The following CAMSAP2 variants were observed in gnomAD, a reference collection of about 807,000 sequenced individuals.
CAMSAP2 encodes calmodulin regulated spectrin associated protein family member 2.
In CAMSAP2, 26 loss-of-function variants were observed where a neutral mutation model predicts 146.1. The observed-to-expected ratio is 0.18, with a 90% CI of 0.13 to 0.25. The LOEUF is 0.25. CAMSAP2 is among the 10% of genes least tolerant of loss of function. The probability of loss-of-function intolerance (pLI) is 1.00; values close to 1 mark genes in which losing one functional copy is unlikely to be tolerated. For missense variants in CAMSAP2, 1,381 were observed against 1,759.3 expected (o/e 0.78, Z 3.85); for synonymous variants, 499 against 596.6 (o/e 0.84, Z 2.38).
At chr1:200,773,887 AAAAATAAAATAAAATAAAAT>A (rs201163114) in intron 2 of CAMSAP2, among the ~76,000 whole-genome samples, 13,754 of 134,268 alleles carry the variant, frequency 0.1, 1,159 homozygotes, top group African/African-American at 0.23. Flanking sequence ...CTCTGTCTCA[AAAAATAAAATAAAATAAAAT>A]AAAATAAAAT....
chr1:200,783,779 T>C (rs568636629), intron 2 of CAMSAP2, among the ~76,000 whole-genome samples: 18 of 152,332 alleles, frequency 1.2e-4, no homozygotes, highest in Admixed American at 7.2e-4. Context: ...ATGACCACCA[T>C]GCCCAGCCTG....
intron 2 of CAMSAP2, among the ~76,000 whole-genome samples, chr1:200,764,673 G>A (rs1363160068): frequency 6.6e-6 from 1 of 152,156 alleles, no homozygotes; most frequent in East Asian, 1.9e-4. Context: ...CCTGCATTTA[G>A]CCTTTAAGCA....
At chr1:200,740,318 T>C (rs1664126060) in intron 1 of CAMSAP2, among the ~76,000 whole-genome samples, 1 of 152,136 alleles carries the variant, frequency 6.6e-6, no homozygotes, top group Non-Finnish European at 1.5e-5. Flanking sequence ...ATAATTGTGA[T>C]TACACCACCA....
At chr1:200,828,570 A>G in intron 4 of CAMSAP2, 1 of 1,550,096 alleles carries the variant, frequency 6.5e-7, no homozygotes, top group Non-Finnish European at 8.7e-7. Flanking sequence ...GCTTCCTCTG[A>G]AGTCTCCTTC....
intron 2 of CAMSAP2, among the ~76,000 whole-genome samples, chr1:200,776,723 TA>T (rs1201579735): frequency 6.6e-6 from 1 of 151,658 alleles, no homozygotes; most frequent in Non-Finnish European, 1.5e-5. Flanking sequence ...GACTCCGTCT[TA>T]AAAAAACAAA....
chr1:200,842,325 C>T (rs1667345253), intron 7 of CAMSAP2, among the ~76,000 whole-genome samples: 1 of 152,074 alleles, frequency 6.6e-6, no homozygotes, highest in Admixed American at 6.5e-5. Context: ...TTTAACTGTC[C>T]ATTTCTTTTC....
chr1:200,854,102 C>T (rs1667690593), intron 13 of CAMSAP2, among the ~76,000 whole-genome samples: 1 of 152,102 alleles, frequency 6.6e-6, no homozygotes, highest in South Asian at 2.1e-4. Flanking sequence ...ACCTCAGCCT[C>T]CTGGGTAGTT....
intron 2 of CAMSAP2, among the ~76,000 whole-genome samples, chr1:200,779,285 A>T (rs1261337598): frequency 6.6e-6 from 1 of 152,212 alleles, no homozygotes; most frequent in African/African-American, 2.4e-5. Context: ...ACACCATCAG[A>T]GTTCGATTTT....
chr1:200,831,979 G>A, intron 4 of CAMSAP2: 1 of 435,042 alleles, frequency 2.3e-6, no homozygotes, highest in Non-Finnish European at 4.1e-6. Flanking sequence ...TAAATTAGCA[G>A]TATGTTATAT....
intron 6 of CAMSAP2, among the ~76,000 whole-genome samples, chr1:200,833,113 T>C (rs1318272320): frequency 6.6e-6 from 1 of 152,088 alleles, no homozygotes; most frequent in Non-Finnish European, 1.5e-5. Flanking sequence ...TAGAACAAGA[T>C]ATATAAATGA....
intron 2 of CAMSAP2, among the ~76,000 whole-genome samples, chr1:200,803,016 C>T (rs1558183911): frequency 6.6e-6 from 1 of 152,178 alleles, no homozygotes; most frequent in Non-Finnish European, 1.5e-5. Context: ...AGCCCTCCTG[C>T]TTTTTCTTCC....
rs1228633781 is a variant in CAMSAP2, at chr1:200,857,971, C to G, written c.4349C>G (p.Ala1450Gly). 2 of 1,613,638 alleles carry G rather than the reference C, an allele frequency of 1.2e-6. No individual in the cohort carries two copies. The highest frequency in any genetic ancestry group is 2.7e-5 in the African/African-American group (2 of 74,898). ...CACATACCCGCTAAAACTTTATCTGCCAGTGTTGATGCAATTACCATTCAT... is the reference window on the plus strand; with the variant it reads ...CACATACCCGCTAAAACTTTATCTGGCAGTGTTGATGCAATTACCATTCAT... Reference protein sequence around the residue: ...FSHIPAKTLSASVDAITIHSH... With the variant: ...FSHIPAKTLSGSVDAITIHSH... The change falls in exon 17 of 17, where the codon GCC (alanine) becomes GGC (glycine). Residue 1450 changes from alanine to glycine, a missense_variant. Physicochemically the swap from Ala to Gly is moderately conservative, Grantham distance 60 (BLOSUM62 0). Around this residue, in one of 4 missense-constraint regions of CAMSAP2, gnomAD observed 90 missense variants for 174.4 expected, o/e 0.52. Transcript: ENST00000358823. This position sits in a 1 kb window ranked among gnomAD's most constrained non-coding sequence, Gnocchi z 4.7.
Position 200,832,865 on chromosome 1 carries a change from T to G in CAMSAP2, c.927+20T>G. ...ATAAAGGTAAATTAAATTATTCTTT[T>G]TTTCCCTTTGCTTTGTTAAAATATG... On this transcript the variant is annotated intron_variant, in intron 6 of 16. Coordinates refer to ENST00000358823, the MANE Select transcript of CAMSAP2 (RefSeq NM_203459.4). This position sits in a 1 kb window ranked among gnomAD's most constrained non-coding sequence, Gnocchi z 4.2. 6.5e-7 allele frequency: 1 copy of G among 1,546,296 alleles called. No individual in the cohort carries two copies. The highest frequency in any genetic ancestry group is 8.7e-7 in the Non-Finnish European group (1 of 1,148,906).
chr1:200,830,299 C>CTGTG (rs3081676), intron 4 of CAMSAP2, among the ~76,000 whole-genome samples: 85 of 150,608 alleles, frequency 5.6e-4, no homozygotes, highest in South Asian at 1.7e-3. Context: ...TCATATAAAG[C>CTGTG]TGTGTGTGTG....
intron 1 of CAMSAP2, among the ~76,000 whole-genome samples, chr1:200,746,892 A>G (rs1003805011): frequency 6.6e-6 from 1 of 152,008 alleles, no homozygotes; most frequent in Non-Finnish European, 1.5e-5. Context: ...TGCTGGGATT[A>G]CAGGCGTGAG....
chr1:200,743,652 T>G (rs889230978), intron 1 of CAMSAP2, among the ~76,000 whole-genome samples: 3 of 151,834 alleles, frequency 2.0e-5, no homozygotes, highest in Admixed American at 6.6e-5. Flanking sequence ...ATAAAGCTGC[T>G]AATATAGGCT....
At chr1:200,778,908 A>C (rs1350937620) in intron 2 of CAMSAP2, among the ~76,000 whole-genome samples, 1 of 152,172 alleles carries the variant, frequency 6.6e-6, no homozygotes, top group Non-Finnish European at 1.5e-5. Flanking sequence ...AATAGCTATG[A>C]CCTACGGCTC....
Position 200,830,383 on chromosome 1 carries a change from G to A in CAMSAP2, c.646-1817G>A, listed in dbSNP as rs571686519. 4.6e-5 allele frequency among the ~76,000 whole-genome samples: 7 copies of A among 152,296 alleles called. No individual in the cohort carries two copies. In the South Asian group the frequency reaches 1.5e-3, roughly 32 times the overall value. On this transcript the variant is annotated intron_variant, in intron 4 of 16. Coordinates refer to ENST00000358823, the MANE Select transcript of CAMSAP2 (RefSeq NM_203459.4). ...GTACAAAAGTGCTACTTTGCAGGAG[G>A]GAGTAGAACAAATCACATAATTCAA... is the stretch of plus-strand genomic sequence containing the variant.
rs559684744 is a variant in CAMSAP2, at chr1:200,746,763, A to C, written c.139+6797A>C. Among the ~76,000 whole-genome samples, 13 of 149,366 alleles carry C rather than the reference A, an allele frequency of 8.7e-5. No individual in the cohort carries two copies. The South Asian group carries it at 1.1e-3, about 12-fold the overall frequency. On this transcript the variant is annotated intron_variant, in intron 1 of 16. Transcript: ENST00000358823. ...CCTCCCGAGTAGCTGGGACTACAGG[A>C]GCCCACCACCACGCCCAGCTAATTT...
Sources: allele counts gnomAD v4.1 joint callset (sites outside exome capture counted in the v4.1 genomes callset), GRCh38; gene constraint gnomAD v4.1.1; regional missense constraint gnomAD v4.1.1; non-coding constraint Gnocchi (gnomAD v3.1); transcripts MANE v1.5; gene names NCBI Gene and HGNC (gene_info 2026-07-23, HGNC 2026-07-21).